Variants in SLC30A8 observed in about 807,000 individuals in gnomAD.
SLC30A8 encodes proton-coupled zinc antiporter SLC30A8.
In SLC30A8, 27 loss-of-function variants were observed where a neutral mutation model predicts 36.9. The ratio of observed to expected loss-of-function variants is 0.73; its 90% CI spans 0.54 to 1.01. The LOEUF is 1.01. SLC30A8 is among the 50% of genes least tolerant of loss of function. The pLI is 0.00. For missense variants in SLC30A8, 439 were observed against 452.0 expected (o/e 0.97, Z 0.26); for synonymous variants, 164 against 172.4 (o/e 0.95, Z 0.38).
At chr8:117,110,167 T>C (rs1057481276) in intron 2 of SLC30A8, among the ~76,000 whole-genome samples, 4 of 152,168 alleles carry the variant, frequency 2.6e-5, no homozygotes, top group African/African-American at 4.8e-5. Context: ...GTGGCTGCTA[T>C]TGATGTTTGG....
At chr8:116,966,165 A>G (rs1443844686) in intron 1 of SLC30A8, among the ~76,000 whole-genome samples, 1 of 152,074 alleles carries the variant, frequency 6.6e-6, no homozygotes, top group Admixed American at 6.6e-5. Context: ...ATTACATTTA[A>G]TTCTTAACAA....
chr8:116,999,073 A>C (rs575020146), intron 1 of SLC30A8, among the ~76,000 whole-genome samples: 3 of 152,338 alleles, frequency 2.0e-5, no homozygotes, highest in African/African-American at 7.2e-5. Flanking sequence ...AGCCTGGCCA[A>C]CATGGTGAAA....
chr8:116,961,893 A>T (rs1342806750), intron 1 of SLC30A8, among the ~76,000 whole-genome samples: 1 of 151,912 alleles, frequency 6.6e-6, no homozygotes, highest in African/African-American at 2.4e-5. Context: ...TAATCCATGC[A>T]TGAGGTCAGA....
At chr8:117,153,154 G>C in intron 3 of SLC30A8, 64 bp downstream of exon 3, 1 of 1,456,304 alleles carries the variant, frequency 6.9e-7, no homozygotes. Context: ...AAGGGTAAAA[G>C]TGGAAGACAC....
intron 2 of SLC30A8, among the ~76,000 whole-genome samples, chr8:117,088,635 T>C (rs1165727625): frequency 6.6e-6 from 1 of 152,206 alleles, no homozygotes; most frequent in East Asian, 1.9e-4. Context: ...AAATTTGTTT[T>C]CCTGTCTGCT....
intron 1 of SLC30A8, among the ~76,000 whole-genome samples, chr8:117,036,771 GT>G (rs2130749415): frequency 6.6e-6 from 1 of 152,328 alleles, no homozygotes; most frequent in South Asian, 2.1e-4. Flanking sequence ...GTATTACAGT[GT>G]GAGATGAGAT....
intron 1 of SLC30A8, among the ~76,000 whole-genome samples, chr8:117,027,507 G>A (rs569498130): frequency 6.6e-6 from 1 of 152,084 alleles, no homozygotes; most frequent in South Asian, 2.1e-4. Flanking sequence ...TAATTGTTTG[G>A]CTTTTCTGAA....
At chr8:117,034,465 G>A (rs1346929022) in intron 1 of SLC30A8, among the ~76,000 whole-genome samples, 1 of 152,198 alleles carries the variant, frequency 6.6e-6, no homozygotes, top group African/African-American at 2.4e-5. Flanking sequence ...TCCAAAGACA[G>A]TTAATTGAAT....
intron 2 of SLC30A8, among the ~76,000 whole-genome samples, chr8:117,126,533 A>G (rs1281995770): frequency 6.7e-6 from 1 of 150,090 alleles, no homozygotes; most frequent in African/African-American, 2.5e-5. Flanking sequence ...CATTCCATCC[A>G]TCATCCACCA....
intron 2 of SLC30A8, among the ~76,000 whole-genome samples, chr8:117,083,623 T>C (rs1032474847): frequency 1.3e-5 from 2 of 152,144 alleles, no homozygotes; most frequent in African/African-American, 4.8e-5. Flanking sequence ...TGCACAGAAA[T>C]CTTTATCTTG....
chr8:117,118,667 CT>C (rs900495328), intron 2 of SLC30A8, among the ~76,000 whole-genome samples: 4 of 151,824 alleles, frequency 2.6e-5, no homozygotes, highest in African/African-American at 9.6e-5. Context: ...CTCCTTTTTT[CT>C]TTTTGCACAA....
At chr8:117,026,399 A>G (rs1816872679) in intron 1 of SLC30A8, among the ~76,000 whole-genome samples, 1 of 152,172 alleles carries the variant, frequency 6.6e-6, no homozygotes, top group African/African-American at 2.4e-5. Context: ...CTCAGCAGAA[A>G]CGGCAAAGAG....
intron 1 of SLC30A8, among the ~76,000 whole-genome samples, chr8:117,005,016 A>G (rs542230957): frequency 6.6e-6 from 1 of 152,174 alleles, no homozygotes. Flanking sequence ...CTCACATATC[A>G]CCCAATTGAC....
At chr8:117,021,380 A>G (rs1586408228) in intron 1 of SLC30A8, among the ~76,000 whole-genome samples, 1 of 152,078 alleles carries the variant, frequency 6.6e-6, no homozygotes, top group Non-Finnish European at 1.5e-5. Context: ...TTCTAAATGC[A>G]CCTTGTTTTC....
intron 1 of SLC30A8, among the ~76,000 whole-genome samples, chr8:116,992,904 C>A (rs1243560077): frequency 1.3e-5 from 2 of 152,128 alleles, no homozygotes; most frequent in African/African-American, 4.8e-5. Context: ...TTTTCTCTGA[C>A]AGAGTTTTCC....
intron 2 of SLC30A8, among the ~76,000 whole-genome samples, chr8:117,148,348 A>AT (rs908909568): frequency 6.6e-6 from 1 of 151,956 alleles, no homozygotes; most frequent in Middle Eastern, 3.2e-3. Flanking sequence ...TTCCCCATTG[A>AT]TTTTTTATAT....
At chr8:117,131,675 GC>G (rs1821143772), upstream of SLC30A8, among the ~76,000 whole-genome samples, 1 of 151,880 alleles carries the variant, frequency 6.6e-6, no homozygotes, top group South Asian at 2.1e-4. Flanking sequence ...GTAATTCTTA[GC>G]CTTCTGCTAA....
chr8:117,087,572 C>G (rs1818931490), intron 2 of SLC30A8, among the ~76,000 whole-genome samples: 1 of 151,796 alleles, frequency 6.6e-6, no homozygotes, highest in South Asian at 2.1e-4. Context: ...CTGTGTTATT[C>G]ACAGATCTTA....
chr8:116,962,814 C>T (rs753244429), intron 1 of SLC30A8, among the ~76,000 whole-genome samples: 1 of 151,882 alleles, frequency 6.6e-6, no homozygotes, highest in Non-Finnish European at 1.5e-5. Flanking sequence ...AGGATTACTT[C>T]GTGAATTAAC....
Sources: gnomAD v4.1 joint callset for allele counts (sites outside exome capture counted in the v4.1 genomes callset) on GRCh38, gnomAD v4.1.1 for gene constraint, MANE v1.5 for transcripts, NCBI Gene and HGNC (gene_info 2026-07-23, HGNC 2026-07-21) for gene names.